SYNE1: variants seen among roughly 807,000 people sequenced by gnomAD.
The protein encoded by SYNE1 is spectrin repeat containing nuclear envelope protein 1, also known as nesprin-1.
Under a neutral mutation model 1,111.0 loss-of-function variants are expected in SYNE1, and 616 were observed. That is an observed-to-expected ratio of 0.55 (90% confidence interval 0.52 to 0.59). The LOEUF is 0.59. Among genes scored for constraint, SYNE1 ranks in the 20% least tolerant of loss-of-function variants. SYNE1 has a pLI of 0.00. For missense variants in SYNE1, 10,006 were observed against 10,417.0 expected, an observed-to-expected ratio of 0.96 and a Z score of 1.72; for synonymous variants, 3,855 against 3,825.8, an observed-to-expected ratio of 1.01 and a Z score of -0.28.
chr6:152,206,273 G>C lies in SYNE1; in HGVS notation c.22914C>G (p.Gly7638=). The C allele has an allele frequency of 6.2e-7, 1 of 1,613,902 alleles. No individual in the cohort carries two copies. Among genetic ancestry groups the C allele is most frequent in the Non-Finnish European group, 8.5e-7 (1 of 1,180,020 alleles). ...GTTCGGCCTGCAAGGCGGCCTCAGCGCCACTGTCCGCCGAGAGAAGGAGTT... is the reference window on the plus strand; with the variant it reads ...GTTCGGCCTGCAAGGCGGCCTCAGCCCCACTGTCCGCCGAGAGAAGGAGTT... ...GKQLLLSADS[G]AEAALQAELA... is the part of the protein sequence containing the mutation. Residue 7638 remains glycine (G), a synonymous_variant, in exon 126 of 146, where the codon GGC becomes GGG. Transcript: ENST00000367255.
chr6:152,221,308 G>A, intron 118 of SYNE1, 118 bp downstream of exon 118: 1 of 1,309,508 alleles, frequency 7.6e-7, no homozygotes, highest in Non-Finnish European at 1.1e-6. Flanking sequence ...TTGTGAAAGA[G>A]AAGTTTAAAG....
chr6:152,225,570 A>AG, intron 116 of SYNE1, 151 bp downstream of exon 116: 1 of 930,328 alleles, frequency 1.1e-6, no homozygotes, highest in Non-Finnish European at 1.7e-6. Flanking sequence ...TTTAAAAAAA[A>AG]AAAAGAGGAT....
At position 152,330,650 on chromosome 6, in the gene SYNE1, A is replaced by G; in HGVS notation, c.14035T>C (p.Leu4679=). ...AILARKEYAS[L]IELTTQSLSE... ...AGAGACTGGGTTGTCAACTCAATCAAGGAAGCATATTCCTTCCGAGCAAGA... is the reference window on the plus strand; with the variant it reads ...AGAGACTGGGTTGTCAACTCAATCAGGGAAGCATATTCCTTCCGAGCAAGA... Residue 4679 remains leucine (L), a synonymous_variant, in exon 78 of 146, where the codon TTG becomes CTG. Transcript: ENST00000367255. 3.7e-6 allele frequency: 6 copies of G among 1,613,804 alleles called. No individual in the cohort carries two copies. Among genetic ancestry groups the G allele is most frequent in the Non-Finnish European group, 5.1e-6 (6 of 1,180,008 alleles).
At chr6:152,594,676 C>T (rs1333624408) in intron 3 of SYNE1, among the ~76,000 whole-genome samples, 1 of 152,120 alleles carries the variant, frequency 6.6e-6, no homozygotes. Flanking sequence ...CTTGATGTCA[C>T]ATCTCCCTCC....
At chr6:152,382,396 G>A (rs1047677034) in intron 55 of SYNE1, among the ~76,000 whole-genome samples, 1 of 152,092 alleles carries the variant, frequency 6.6e-6, no homozygotes, top group Non-Finnish European at 1.5e-5. Flanking sequence ...TAAGCATAAA[G>A]TATGTCTTAA....
intron 87 of SYNE1, among the ~76,000 whole-genome samples, chr6:152,311,775 A>ATTT (rs762825816): frequency 0.02 from 2,749 of 139,102 alleles, 91 homozygotes; most frequent in African/African-American, 0.068. Flanking sequence ...GCAATAGACT[A>ATTT]TTTATTTATT....
chr6:152,326,336 T>C lies in SYNE1; in HGVS notation c.15253A>G (p.Met5085Val). 1 of 1,614,128 alleles carries C rather than the reference T, an allele frequency of 6.2e-7. No homozygotes were observed. The highest frequency in any genetic ancestry group is 8.5e-7 in the Non-Finnish European group (1 of 1,179,990). The stretch of plus-strand genomic sequence containing the variant: ...ACTTGGGCACCAGAGTCCCGGCTCA[T>C]CCTCTGGCTCCTGAGTTCCAGAGAA... ...VASLELRSQR[M>V]SRDSGAQVDL... Residue 5085 changes from methionine to valine, a missense_variant, in exon 79 of 146, where the codon ATG becomes GTG. Physicochemically the swap from Met to Val is conservative, Grantham distance 21. Transcript: ENST00000367255.
chr6:152,299,196 ATAAG>A (rs562010667), intron 93 of SYNE1, among the ~76,000 whole-genome samples: 11 of 152,342 alleles, frequency 7.2e-5, no homozygotes, highest in Admixed American at 2.0e-4. Context: ...AAAGTCTCAA[ATAAG>A]TATTTATTAT....
At chr6:152,577,987 G>T (rs908977003) in intron 3 of SYNE1, among the ~76,000 whole-genome samples, 4 of 152,040 alleles carry the variant, frequency 2.6e-5, no homozygotes, top group African/African-American at 9.7e-5. Flanking sequence ...TCTGTGATTT[G>T]ATGCGGTGTT....
intron 3 of SYNE1, chr6:152,547,059 G>A (rs1233792013): frequency 2.0e-5 from 3 of 152,196 alleles, no homozygotes; most frequent in African/African-American, 7.2e-5. Context: ...AGCCGCCCTG[G>A]ACCTGCCAGT....
At position 152,135,165 on chromosome 6, in the gene SYNE1, A is replaced by G. The variant is rs767484585; in HGVS notation, c.25727T>C (p.Ile8576Thr). Reference protein sequence around the residue: ...LENIDRRKNEIVPIDSNLDAE... With the variant: ...LENIDRRKNETVPIDSNLDAE... ...ATCAAGGTTAGAATCAATAGGGACA[A>G]TTTCATTTTTCCTTCTGTCAATGTT... The change falls in exon 142 of 146, where the codon ATT (isoleucine) becomes ACT (threonine). Residue 8576 changes from isoleucine to threonine, a missense_variant. By Grantham distance (89) the Ile-to-Thr change is moderately conservative. Coordinates refer to ENST00000367255, the MANE Select transcript of SYNE1 (RefSeq NM_182961.4). 2 of 1,614,186 alleles carry G rather than the reference A, an allele frequency of 1.2e-6. No homozygotes were observed. The highest frequency in any genetic ancestry group is 2.2e-5 in the South Asian group (2 of 91,084).
In SYNE1 at chr6:152,455,102, C is replaced by T. The variant is rs572286520; in HGVS notation, c.2892+324G>A. Among the ~76,000 whole-genome samples, 11 of 152,176 alleles carry T rather than the reference C, an allele frequency of 7.2e-5. No individual in the cohort carries two copies. In the East Asian group the frequency reaches 1.9e-3, roughly 27 times the overall value. On this transcript the variant is annotated intron_variant, in intron 24 of 145. Transcript: ENST00000367255. Reference sequence around the variant, plus strand: ...GCACAAAGGACTTAGCTAGTCACCTCGAGTTATCTGTTTAAAAGAATCTTT... The same window carrying T: ...GCACAAAGGACTTAGCTAGTCACCTTGAGTTATCTGTTTAAAAGAATCTTT...
chr6:152,251,240 C>A (rs1050434728), intron 104 of SYNE1, among the ~76,000 whole-genome samples: 1 of 151,832 alleles, frequency 6.6e-6, no homozygotes, highest in Non-Finnish European at 1.5e-5. Context: ...CGTGAGCCAC[C>A]GCACCCGGCC....
At chr6:152,213,854 T>C in intron 122 of SYNE1, 95 bp from the exon 123 acceptor site, 1 of 1,545,056 alleles carries the variant, frequency 6.5e-7, no homozygotes, top group Non-Finnish European at 8.9e-7. Flanking sequence ...CTGTGCTCAA[T>C]TCTAATTGAA....
At chr6:152,385,918 G>A (rs575492499) in intron 54 of SYNE1, 80 bp from the exon 55 acceptor site, 1 of 1,379,962 alleles carries the variant, frequency 7.2e-7, no homozygotes, top group African/African-American at 1.4e-5. Flanking sequence ...GCCTGATAGA[G>A]GTCTCTTAAC....
In SYNE1 at chr6:152,538,193, T is replaced by C. The variant is rs139167716; in HGVS notation, c.129+1767A>G. The stretch of plus-strand genomic sequence containing the variant: ...TGCATAGCTGTTGACTACCTACTTC[T>C]AGAAATTTATCCTAAGAAGAAAATA... On this transcript the variant is annotated intron_variant, in intron 4 of 145. Transcript: ENST00000367255. Among the ~76,000 whole-genome samples, 299 of 152,308 alleles carry C rather than the reference T, an allele frequency of 2.0e-3. 2 individuals carry two copies. Among genetic ancestry groups the C allele is most frequent in the Middle Eastern group, 6.8e-3 (2 of 294 alleles).
intron 3 of SYNE1, among the ~76,000 whole-genome samples, chr6:152,605,850 T>C (rs12213941): frequency 0.026 from 3,987 of 152,312 alleles, 78 homozygotes; most frequent in Non-Finnish European, 0.04. Context: ...CTTGGATGTG[T>C]ATGTGTTCAT....
At position 152,526,065 on chromosome 6, in the gene SYNE1, C is replaced by A; in HGVS notation, c.225+15G>T. ...AAACAATTTGACAAGTATGATCACACAAAAAAATTCTTACCAGTTTCTGCC... is the reference window on the plus strand; with the variant it reads ...AAACAATTTGACAAGTATGATCACAAAAAAAAATTCTTACCAGTTTCTGCC... On this transcript the variant is annotated intron_variant, in intron 5 of 145. Transcript: ENST00000367255. The A allele has an allele frequency of 1.2e-6, 2 of 1,612,128 alleles. No homozygotes were observed. The highest frequency in any genetic ancestry group is 8.5e-7 in the Non-Finnish European group (1 of 1,178,398).
chr6:152,610,154 T>A (rs1180282839), intron 3 of SYNE1, among the ~76,000 whole-genome samples: 2 of 152,170 alleles, frequency 1.3e-5, no homozygotes, highest in Non-Finnish European at 2.9e-5. Context: ...CTTTGGCAAG[T>A]TAACAGAGTA....
Sources: allele counts gnomAD v4.1 joint callset (sites outside exome capture counted in the v4.1 genomes callset), GRCh38; gene constraint gnomAD v4.1.1; transcripts MANE v1.5; gene names NCBI Gene and HGNC (gene_info 2026-07-23, HGNC 2026-07-21).